THSD7A: variants seen among roughly 807,000 people sequenced by gnomAD.
The protein encoded by THSD7A is thrombospondin type-1 domain-containing protein 7A.
Under a neutral mutation model 231.3 loss-of-function variants are expected in THSD7A, and 96 were observed. The ratio of observed to expected loss-of-function variants is 0.41; its 90% CI spans 0.35 to 0.49. The LOEUF (loss-of-function observed/expected upper bound fraction) is 0.49, where lower values mean the gene tolerates loss of function less well. Among genes scored for constraint, THSD7A ranks in the 20% least tolerant of loss-of-function variants. THSD7A has a pLI of 0.05. For missense variants in THSD7A, 2,290 were observed against 2,070.2 expected (o/e 1.11, Z -2.06); for synonymous variants, 940 against 743.3 (o/e 1.26, Z -4.30).
chr7:11,531,767 A>G (rs910429172), intron 6 of THSD7A, among the ~76,000 whole-genome samples: 21 of 152,172 alleles, frequency 1.4e-4, no homozygotes, highest in Non-Finnish European at 2.5e-4. Flanking sequence ...TGAGGTTAAA[A>G]TGTCAGTAGG....
Position 11,759,311 on chromosome 7 carries a change from G to T in THSD7A, c.190+72446C>A, listed in dbSNP as rs146606085. Reference sequence around the variant, plus strand: ...AAAAATGACCATGTAATTTGAAAAAGAACCAATGAAATGATCACAACTAAA... The same window carrying T: ...AAAAATGACCATGTAATTTGAAAAATAACCAATGAAATGATCACAACTAAA... On this transcript the variant is annotated intron_variant, in intron 1 of 27. Transcript: ENST00000423059. 4.6e-5 allele frequency among the ~76,000 whole-genome samples: 7 copies of T among 152,096 alleles called. No homozygotes were observed. The East Asian group carries it at 1.2e-3, about 25-fold the overall frequency.
At chr7:11,697,895 A>G (rs1486764200) in intron 1 of THSD7A, among the ~76,000 whole-genome samples, 2 of 151,418 alleles carry the variant, frequency 1.3e-5, no homozygotes, top group African/African-American at 4.8e-5. Context: ...TACAAATTAA[A>G]TTAAATAGGC....
At chr7:11,809,583 T>A (rs1375687410) in intron 1 of THSD7A, among the ~76,000 whole-genome samples, 3 of 152,210 alleles carry the variant, frequency 2.0e-5, no homozygotes, top group Non-Finnish European at 4.4e-5. Flanking sequence ...AAATTTTATT[T>A]TTTTTGTGAA....
At chr7:11,439,231 C>T (rs996133206) in intron 13 of THSD7A, among the ~76,000 whole-genome samples, 25 of 151,962 alleles carry the variant, frequency 1.6e-4, no homozygotes, top group African/African-American at 5.3e-4. Flanking sequence ...GATAAAGAAA[C>T]AATGTAAGTA....
intron 6 of THSD7A, among the ~76,000 whole-genome samples, chr7:11,508,868 C>T (rs142703847): frequency 6.6e-6 from 1 of 152,142 alleles, no homozygotes; most frequent in Non-Finnish European, 1.5e-5. Flanking sequence ...CACGATTCCA[C>T]TTATATGAGA....
At chr7:11,744,520 C>A (rs578179929) in intron 1 of THSD7A, among the ~76,000 whole-genome samples, 2 of 151,368 alleles carry the variant, frequency 1.3e-5, no homozygotes, top group East Asian at 3.9e-4. Context: ...TATACATGTG[C>A]CATGTTGGTG....
intron 2 of THSD7A, among the ~76,000 whole-genome samples, chr7:11,633,003 A>G (rs906872134): frequency 2.6e-5 from 4 of 152,066 alleles, no homozygotes; most frequent in South Asian, 2.1e-4. Flanking sequence ...ACTGTTCTCT[A>G]TGTCATTGAC....
chr7:11,564,556 G>C (rs557380454), intron 4 of THSD7A, among the ~76,000 whole-genome samples: 118 of 152,266 alleles, frequency 7.7e-4, no homozygotes, highest in Non-Finnish European at 1.2e-3. Flanking sequence ...TTGCTGCTTT[G>C]CCTTGGTGTC....
At chr7:11,765,324 T>C (rs1782998836) in intron 1 of THSD7A, among the ~76,000 whole-genome samples, 1 of 152,184 alleles carries the variant, frequency 6.6e-6, no homozygotes, top group South Asian at 2.1e-4. Context: ...ATGAATATGC[T>C]TTAAAATTAC....
intron 1 of THSD7A, among the ~76,000 whole-genome samples, chr7:11,667,219 C>T (rs1048093189): frequency 2.6e-5 from 4 of 151,996 alleles, no homozygotes; most frequent in African/African-American, 9.7e-5. Flanking sequence ...CCAAGCTTCC[C>T]CCAGAGTCCT....
At chr7:11,570,285 G>T (rs1336808554) in intron 4 of THSD7A, among the ~76,000 whole-genome samples, 1 of 152,140 alleles carries the variant, frequency 6.6e-6, no homozygotes, top group East Asian at 1.9e-4. Flanking sequence ...TCATATGGTG[G>T]GAGCTAAAAA....
At chr7:11,595,677 T>C (rs897753204) in intron 2 of THSD7A, among the ~76,000 whole-genome samples, 2 of 152,146 alleles carry the variant, frequency 1.3e-5, no homozygotes, top group Admixed American at 6.5e-5. Context: ...CCTTGCAAAA[T>C]AGATTTGTGA....
chr7:11,541,498 C>T lies in THSD7A; in HGVS notation c.1743G>A (p.Leu581=). The part of the protein sequence containing the change: ...PACYDWKAVR[L]GNCEPDNGKE... ...TTCCGTTATCTGGCTCGCAGTTTCC[C>T]AGTCTCACTGCTTTCCAGTCATAAC... Residue 581 remains leucine, a synonymous_variant, in exon 6 of 28, where the codon CTG becomes CTA. Transcript: ENST00000423059. 6.2e-7 allele frequency: 1 copy of T among 1,613,952 alleles called. No individual in the cohort carries two copies.
At chr7:11,404,881 T>G (rs780591976) in intron 22 of THSD7A, among the ~76,000 whole-genome samples, 8 of 152,164 alleles carry the variant, frequency 5.3e-5, no homozygotes, top group Non-Finnish European at 1.0e-4. Context: ...TTAGAACGGA[T>G]CTCTAGAACT....
chr7:11,767,659 T>G (rs1007854910), intron 1 of THSD7A, among the ~76,000 whole-genome samples: 3 of 152,196 alleles, frequency 2.0e-5, no homozygotes, highest in African/African-American at 4.8e-5. Context: ...CAGGAATAGA[T>G]CTTTGGGTTT....
intron 9 of THSD7A, among the ~76,000 whole-genome samples, chr7:11,463,047 C>T (rs1311380061): frequency 2.6e-5 from 4 of 152,076 alleles, no homozygotes; most frequent in African/African-American, 7.2e-5. Context: ...ATAGAATCCT[C>T]CTGATGCATT....
At chr7:11,631,707 G>C (rs141574053) in intron 2 of THSD7A, among the ~76,000 whole-genome samples, 16 of 152,276 alleles carry the variant, frequency 1.1e-4, no homozygotes, top group African/African-American at 3.8e-4. Context: ...GTGTCTGCTA[G>C]GATTGGCCTG....
At chr7:11,645,621 G>T (rs1304844351) in intron 1 of THSD7A, among the ~76,000 whole-genome samples, 1 of 151,626 alleles carries the variant, frequency 6.6e-6, no homozygotes, top group Non-Finnish European at 1.5e-5. Context: ...TGATTTAAAG[G>T]TACCTTTCAA....
intron 6 of THSD7A, among the ~76,000 whole-genome samples, chr7:11,522,167 C>T (rs7782577): frequency 0.43 from 64,662 of 151,892 alleles, 15,488 homozygotes; most frequent in Non-Finnish European, 0.54. Flanking sequence ...AGCTGTTTGC[C>T]GGAGTGAGGG....
Sources: allele counts gnomAD v4.1 joint callset (sites outside exome capture counted in the v4.1 genomes callset), GRCh38; gene constraint gnomAD v4.1.1; transcripts MANE v1.5; gene names NCBI Gene and HGNC (gene_info 2026-07-23, HGNC 2026-07-21).